FKRP: variants seen among roughly 807,000 people sequenced by gnomAD.
The protein encoded by FKRP is fukutin related protein.
Under a neutral mutation model 30.6 loss-of-function variants are expected in FKRP, and 25 were observed. The observed-to-expected ratio is 0.82, with a 90% CI of 0.60 to 1.14. FKRP has a LOEUF of 1.14. Ranked by LOEUF, FKRP falls within the 50% of genes most tolerant of loss-of-function variation. The pLI is 0.00. For missense variants in FKRP, 771 were observed against 727.8 expected, an observed-to-expected ratio of 1.06 and a Z score of -0.68; for synonymous variants, 358 against 342.5, an observed-to-expected ratio of 1.05 and a Z score of -0.50.
intron 1 of FKRP, chr19:46,746,458 C>T: frequency 2.0e-6 from 2 of 991,156 alleles, no homozygotes; most frequent in Non-Finnish European, 2.4e-6. Context: ...CCTGCGCGCC[C>T]GCTGTGCCTC....
chr19:46,756,846 C>G lies in FKRP; in HGVS notation c.1396C>G (p.Arg466Gly). 6.2e-7 allele frequency: 1 copy of G among 1,603,516 alleles called. No individual in the cohort carries two copies. Among genetic ancestry groups the G allele is most frequent in the Non-Finnish European group, 8.5e-7 (1 of 1,175,516 alleles). ...GFVAQAPNNY[R>G]RFLELKFGPG... ...CGTGGCGCAGGCGCCTAACAACTAC[C>G]GCCGCTTCCTGGAGCTCAAGTTCGG... is the stretch of plus-strand genomic sequence containing the variant. Residue 466 changes from arginine (R) to glycine (G), a missense_variant, in exon 4 of 4, where the codon CGC becomes GGC. Transcript: ENST00000318584. This position sits in a 1 kb window ranked among gnomAD's most constrained non-coding sequence, Gnocchi z 6.6.
chr19:46,746,387 G>T (rs1321506879), intron 1 of FKRP: 2 of 1,097,590 alleles, frequency 1.8e-6, no homozygotes, highest in Non-Finnish European at 2.2e-6. Flanking sequence ...ACGGCAGGAG[G>T]AGGCGGCGGC....
upstream of FKRP, among the ~76,000 whole-genome samples, chr19:46,745,270 C>T (rs544345661): frequency 6.6e-6 from 1 of 152,220 alleles, no homozygotes; most frequent in African/African-American, 2.4e-5. Context: ...CTCCTGCACA[C>T]CCCCAAAGTG....
intron 3 of FKRP, among the ~76,000 whole-genome samples, chr19:46,749,408 CTTT>C (rs34544320): frequency 1.4e-4 from 16 of 114,848 alleles, no homozygotes; most frequent in African/African-American, 4.0e-4. Flanking sequence ...CCTTTGTTTC[CTTT>C]TTTTTTTTTT....
rs1422476225 is a variant in FKRP, at chr19:46,755,704, C to G, written c.254C>G (p.Thr85Arg). Residue 85 changes from threonine (T) to arginine (R), a missense_variant, in exon 4 of 4, where the codon ACG becomes AGG. Physicochemically the swap from Thr to Arg is moderately conservative, Grantham distance 71 (BLOSUM62 -1). Coordinates refer to ENST00000318584, the MANE Select transcript of FKRP (RefSeq NM_024301.5). The stretch of plus-strand genomic sequence containing the variant: ...CAGCCCGTGGTGGTGGCAGCCGACA[C>G]GCTCCCCTACCCGCCCCTGGCCCTG... ...PAQPVVVAAD[T>R]LPYPPLALPR... The G allele has an allele frequency of 1.3e-6, 2 of 1,577,024 alleles. No individual in the cohort carries two copies.
chr19:46,755,330 A>T, intron 3 of FKRP, 82 bp from the exon 4 acceptor site: 1 of 886,820 alleles, frequency 1.1e-6, no homozygotes, highest in Non-Finnish European at 1.7e-6. Flanking sequence ...AAAGAGCTGT[A>T]GAAAGGGGCA....
intron 1 of FKRP, chr19:46,747,095 A>C (rs2054659817): frequency 6.6e-6 from 1 of 152,452 alleles, no homozygotes; most frequent in Non-Finnish European, 1.5e-5. Flanking sequence ...CCCAGCCCCA[A>C]GGACACTGAT....
chr19:46,745,820 G>A, upstream of FKRP: 2 of 223,386 alleles, frequency 9.0e-6, no homozygotes, highest in South Asian at 2.5e-4. Context: ...GAGCCCCGCG[G>A]CCAGCGTGCT....
chr19:46,755,590 C>G lies in FKRP; in HGVS notation c.140C>G (p.Pro47Arg), dbSNP rs761512840. ...CCCCGTCGTGCCTCTGCTGCCGGCCCCCGTGTCACCGTCCTGGTGCGGGAG... is the reference window on the plus strand; with the variant it reads ...CCCCGTCGTGCCTCTGCTGCCGGCCGCCGTGTCACCGTCCTGGTGCGGGAG... ...RGPRRASAAG[P>R]RVTVLVREFE... Residue 47 changes from proline to arginine, a missense_variant, in exon 4 of 4, where the codon CCC becomes CGC. Pro to Arg is a moderately radical substitution (Grantham distance 103). Transcript: ENST00000318584. 1 of 1,606,436 alleles carries G rather than the reference C, an allele frequency of 6.2e-7. No homozygotes were observed. The highest frequency in any genetic ancestry group is 8.5e-7 in the Non-Finnish European group (1 of 1,177,272).
chr19:46,756,654 T>C lies in FKRP; in HGVS notation c.1204T>C (p.Phe402Leu). The C allele has an allele frequency of 1.2e-6, 2 of 1,613,050 alleles. No homozygotes were observed. Among genetic ancestry groups the C allele is most frequent in the Non-Finnish European group, 1.7e-6 (2 of 1,179,654 alleles). Residue 402 changes from phenylalanine (F) to leucine (L), a missense_variant, in exon 4 of 4, where the codon TTT becomes CTT. Phe to Leu is a conservative substitution (Grantham distance 22). Coordinates refer to ENST00000318584, the MANE Select transcript of FKRP (RefSeq NM_024301.5). This position sits in a 1 kb window ranked among gnomAD's most constrained non-coding sequence, Gnocchi z 6.6. ...ATGGGAGAAGGCGGTCGAGGGCGAC[T>C]TTTTCCGCGTGCAGTACAGCGAAAG... ...FVWEKAVEGD[F>L]FRVQYSESNH...
At chr19:46,746,008 C>G (rs560100018), upstream of FKRP, 793 of 1,111,072 alleles carry the variant, frequency 7.1e-4, 6 homozygotes, top group African/African-American at 0.011. Context: ...ACTCGCCCTC[C>G]GGGACCGTCG....
chr19:46,746,392 G>A lies in FKRP; in HGVS notation c.-253+302G>A, dbSNP rs1298695605. The A allele has an allele frequency of 6.4e-6, 7 of 1,087,714 alleles. No individual in the cohort carries two copies. In the South Asian group the frequency reaches 1.3e-4, roughly 20 times the overall value. The allele number at this position is 1,087,714 out of a possible 1,614,324, so 67.4% of individuals were successfully genotyped here. On this transcript the variant is annotated intron_variant, in intron 1 of 3. Coordinates refer to ENST00000318584, the MANE Select transcript of FKRP (RefSeq NM_024301.5). ...AGCCGAGCGGACGGCAGGAGGAGGC[G>A]GCGGCGGCGACCGCGGCGGCCGCTC...
intron 3 of FKRP, among the ~76,000 whole-genome samples, chr19:46,754,755 G>A (rs1346942708): frequency 2.0e-5 from 3 of 150,470 alleles, no homozygotes; most frequent in Non-Finnish European, 4.4e-5. Flanking sequence ...ACAGGCACCC[G>A]CCCTCACACC....
At position 46,756,884 on chromosome 19, in the gene FKRP, C is replaced by A. The variant is rs1390043655; in HGVS notation, c.1434C>A (p.Ile478=). 6.2e-7 allele frequency: 1 copy of A among 1,612,646 alleles called. No homozygotes were observed. The highest frequency in any genetic ancestry group is 8.5e-7 in the Non-Finnish European group (1 of 1,179,790). The change falls in exon 4 of 4, where the codon ATC becomes ATA. Residue 478 remains isoleucine (I), a synonymous_variant. Transcript: ENST00000318584. The surrounding 1 kb of genome is among the most constrained non-coding windows in gnomAD (Gnocchi z 6.6). ...FLELKFGPGV[I]ENPQYPNPAL... Reference sequence around the variant, plus strand: ...AGCTCAAGTTCGGGCCCGGGGTCATCGAGAACCCCCAGTACCCCAACCCGG... The same window carrying A: ...AGCTCAAGTTCGGGCCCGGGGTCATAGAGAACCCCCAGTACCCCAACCCGG...
rs764527541 is a variant in FKRP at position 46,756,149 on chromosome 19, G to A, written c.699G>A (p.Val233=). ...FLQTALRGWA[V]QLLDLTFAAA... ...AGACCGCCCTTCGCGGCTGGGCGGT[G>A]CAGCTGCTGGACTTGACCTTCGCCG... The change falls in exon 4 of 4, where the codon GTG becomes GTA. Residue 233 remains valine, a synonymous_variant. Coordinates refer to ENST00000318584, the MANE Select transcript of FKRP (RefSeq NM_024301.5). This position sits in a 1 kb window ranked among gnomAD's most constrained non-coding sequence, Gnocchi z 6.6. 24 of 1,473,878 alleles carry A rather than the reference G, an allele frequency of 1.6e-5. 1 individual carries two copies. The Admixed American group carries it at 5.9e-4, about 36-fold the overall frequency. The allele number at this position is 1,473,878 out of a possible 1,614,324, so 91.3% of individuals were successfully genotyped here.
rs1333568893 is a variant in FKRP at position 46,756,225 on chromosome 19, C to T, written c.775C>T (p.Arg259Cys). The change falls in exon 4 of 4, where the codon CGC becomes TGC. Residue 259 changes from arginine to cysteine, a missense_variant. Coordinates refer to ENST00000318584, the MANE Select transcript of FKRP (RefSeq NM_024301.5). This position sits in a 1 kb window ranked among gnomAD's most constrained non-coding sequence, Gnocchi z 6.6. ...GGCCCACGCGCGCTGGAAGGCTGAG[C>T]GCGAGGGACGCGCTCGGCGGGCGGC... is the stretch of plus-strand genomic sequence containing the variant. ...ATAHARWKAE[R>C]EGRARRAALL... 1.3e-5 allele frequency: 19 copies of T among 1,446,652 alleles called. No homozygotes were observed. The highest frequency in any genetic ancestry group is 1.7e-5 in the Non-Finnish European group (19 of 1,106,264). 89.6% of individuals were successfully genotyped at this position (1,446,652 alleles called of 1,614,324 possible).
In FKRP at chr19:46,758,085, G is replaced by T; in HGVS notation, c.*1147G>T. On this transcript the variant is annotated 3_prime_UTR_variant, in exon 4 of 4. Transcript: ENST00000318584. ...AGGCACCATTCTCAGTGTTTCACCT[G>T]GATCAACTAATGCGTCCCTCACCTC... 6.0e-6 allele frequency: 1 copy of T among 167,254 alleles called. No individual in the cohort carries two copies. The allele number at this position is 167,254 out of a possible 1,614,324, so 10.4% of individuals were successfully genotyped here.
intron 3 of FKRP, among the ~76,000 whole-genome samples, chr19:46,753,126 C>T (rs374524965): frequency 3.3e-4 from 49 of 147,888 alleles, no homozygotes; most frequent in African/African-American, 1.1e-3. Context: ...GTCGCACCAC[C>T]GCACTCCAGC....
chr19:46,754,800 T>G (rs1009249583), intron 3 of FKRP, among the ~76,000 whole-genome samples: 1 of 151,212 alleles, frequency 6.6e-6, no homozygotes, highest in Admixed American at 6.6e-5. Flanking sequence ...GAGATGGGGT[T>G]TCACCGTGTT....
Sources: gnomAD v4.1 joint callset for allele counts (sites outside exome capture counted in the v4.1 genomes callset) on GRCh38, gnomAD v4.1.1 for gene constraint, Gnocchi (gnomAD v3.1) non-coding constraint, MANE v1.5 for transcripts, NCBI Gene and HGNC (gene_info 2026-07-23, HGNC 2026-07-21) for gene names.